The following PTPRD variants were observed in gnomAD, a reference collection of about 807,000 sequenced individuals.
PTPRD encodes protein tyrosine phosphatase receptor type D, also known as receptor-type tyrosine-protein phosphatase delta.
Under a neutral mutation model 214.5 loss-of-function variants are expected in PTPRD, and 34 were observed. That is an observed-to-expected ratio of 0.16 (90% confidence interval 0.12 to 0.21). The LOEUF is 0.21. PTPRD is among the 10% of genes least tolerant of loss of function. The pLI is 1.00. For synonymous variants in PTPRD, 1,128 were observed against 845.7 expected (o/e 1.33, Z -5.79); for missense variants, 2,545 against 2,398.7 (o/e 1.06, Z -1.27).
chr9:10,367,165 T>G (rs921558281), intron 2 of PTPRD, among the ~76,000 whole-genome samples: 3 of 151,876 alleles, frequency 2.0e-5, no homozygotes, highest in Non-Finnish European at 1.5e-5. Flanking sequence ...TATTCCTTAT[T>G]GAAAAATGGA....
intron 3 of PTPRD, among the ~76,000 whole-genome samples, chr9:10,286,847 C>A (rs2095372594): frequency 6.6e-6 from 1 of 152,114 alleles, no homozygotes; most frequent in South Asian, 2.1e-4. Flanking sequence ...GATCCACCCG[C>A]CTCAGCCTCC....
chr9:10,383,313 G>T (rs1023479792), intron 2 of PTPRD, among the ~76,000 whole-genome samples: 2 of 151,750 alleles, frequency 1.3e-5, no homozygotes, highest in Non-Finnish European at 2.9e-5. Flanking sequence ...GCAATTTTAG[G>T]TTAAAAAGAG....
At chr9:9,275,558 G>A (rs1008788494) in intron 9 of PTPRD, among the ~76,000 whole-genome samples, 3 of 151,108 alleles carry the variant, frequency 2.0e-5, no homozygotes, top group African/African-American at 4.8e-5. Context: ...TGGCTGGTAA[G>A]AGCCTAGATT....
intron 8 of PTPRD, among the ~76,000 whole-genome samples, chr9:9,416,205 C>T (rs936343288): frequency 1.3e-5 from 2 of 152,118 alleles, no homozygotes; most frequent in African/African-American, 4.8e-5. Context: ...TTCAATTAGG[C>T]CTCTTCCCCA....
chr9:8,968,024 G>A (rs766407415), intron 11 of PTPRD, among the ~76,000 whole-genome samples: 2 of 151,630 alleles, frequency 1.3e-5, no homozygotes, highest in South Asian at 2.1e-4. Flanking sequence ...TTTTCCCTGC[G>A]ATAGTTTGCT....
At chr9:9,069,399 C>T (rs1303745040) in intron 10 of PTPRD, among the ~76,000 whole-genome samples, 3 of 152,108 alleles carry the variant, frequency 2.0e-5, no homozygotes, top group Non-Finnish European at 2.9e-5. Flanking sequence ...GTCTTTGTGA[C>T]TAGAATGAGC....
intron 3 of PTPRD, among the ~76,000 whole-genome samples, chr9:10,150,420 C>G (rs2099052841): frequency 6.6e-6 from 1 of 151,902 alleles, no homozygotes; most frequent in Non-Finnish European, 1.5e-5. Context: ...AACAGAAAAT[C>G]AAACACTGAA....
chr9:9,101,114 A>AGG (rs1448252590), intron 10 of PTPRD, among the ~76,000 whole-genome samples: 1 of 142,182 alleles, frequency 7.0e-6, no homozygotes, highest in African/African-American at 2.5e-5. Flanking sequence ...AGAGAGAGAG[A>AGG]GAGTAGAGAG....
At chr9:8,470,607 G>T (rs564728525) in intron 31 of PTPRD, among the ~76,000 whole-genome samples, 355 of 152,176 alleles carry the variant, frequency 2.3e-3, no homozygotes, top group Non-Finnish European at 4.2e-3. Context: ...ATTGCAACTT[G>T]GTGTTTGTGA....
intron 10 of PTPRD, among the ~76,000 whole-genome samples, chr9:9,123,496 A>G (rs1024468046): frequency 2.6e-5 from 4 of 152,246 alleles, no homozygotes; most frequent in Admixed American, 2.6e-4. Flanking sequence ...AAGAGAATAC[A>G]GAACTCTGCT....
intron 7 of PTPRD, among the ~76,000 whole-genome samples, chr9:9,647,180 C>G (rs928963216): frequency 2.1e-4 from 32 of 152,108 alleles, no homozygotes; most frequent in African/African-American, 6.5e-4. Context: ...TCTTTCCCCC[C>G]CCTCTTTCTA....
intron 5 of PTPRD, among the ~76,000 whole-genome samples, chr9:9,772,693 A>G (rs2098762340): frequency 1.3e-5 from 2 of 152,174 alleles, no homozygotes; most frequent in African/African-American, 2.4e-5. Flanking sequence ...TAAAGTAAAT[A>G]TTATCTTTTT....
chr9:9,955,872 T>G (rs1053632933), intron 4 of PTPRD, among the ~76,000 whole-genome samples: 2 of 152,124 alleles, frequency 1.3e-5, no homozygotes, highest in Non-Finnish European at 2.9e-5. Context: ...AACAAAGATT[T>G]TCCAAAACTT....
chr9:9,268,255 C>A (rs531763048), intron 9 of PTPRD, among the ~76,000 whole-genome samples: 1 of 150,942 alleles, frequency 6.6e-6, no homozygotes, highest in South Asian at 2.1e-4. Context: ...GAAAACAATC[C>A]TATTTACAAC....
chr9:8,557,745 TA>T (rs752836520), intron 14 of PTPRD, among the ~76,000 whole-genome samples: 647 of 46,768 alleles, frequency 0.014, 5 homozygotes, highest in African/African-American at 0.068. Context: ...TGTCTCTCAA[TA>T]AAAAAAAAAA....
chr9:8,359,420 G>A (rs1055745677), intron 39 of PTPRD, among the ~76,000 whole-genome samples: 5 of 151,814 alleles, frequency 3.3e-5, no homozygotes, highest in South Asian at 4.2e-4. Context: ...CACCTCCCAG[G>A]TTCAAGCAAT....
intron 3 of PTPRD, among the ~76,000 whole-genome samples, chr9:10,205,103 T>A (rs1302135643): frequency 6.6e-6 from 1 of 152,152 alleles, no homozygotes; most frequent in South Asian, 2.1e-4. Flanking sequence ...CTTATCTATG[T>A]ATATGTGTAT....
intron 3 of PTPRD, among the ~76,000 whole-genome samples, chr9:10,162,559 G>C (rs1199341431): frequency 6.7e-6 from 1 of 150,276 alleles, no homozygotes; most frequent in African/African-American, 2.4e-5. Context: ...GAGAGTAGAA[G>C]GGGTTGAAGA....
chr9:8,523,260 G>A (rs1476790950), intron 19 of PTPRD, among the ~76,000 whole-genome samples: 1 of 152,058 alleles, frequency 6.6e-6, no homozygotes, highest in Non-Finnish European at 1.5e-5. Context: ...CAGGAACACT[G>A]ACCAAGTTCA....
Sources: gnomAD v4.1 joint callset for allele counts (sites outside exome capture counted in the v4.1 genomes callset) on GRCh38, gnomAD v4.1.1 for gene constraint, MANE v1.5 for transcripts, NCBI Gene and HGNC (gene_info 2026-07-23, HGNC 2026-07-21) for gene names.